SCGB2B2: variants seen among roughly 807,000 people sequenced by gnomAD.
SCGB2B2 encodes the protein secretoglobin family 2B member 2, also known as secretoglobin-like protein.
SCGB2B2 carries 11 observed loss-of-function variants against 7.6 expected under a neutral mutation model. That is an observed-to-expected ratio of 1.45 (90% CI 0.91 to 2.40). The LOEUF (loss-of-function observed/expected upper bound fraction) is 2.40, where lower values mean the gene tolerates loss of function less well. Ranked by LOEUF, SCGB2B2 falls within the 30% of genes most tolerant of loss-of-function variation. The probability of loss-of-function intolerance (pLI) is 0.00; values close to 1 mark genes in which losing one functional copy is unlikely to be tolerated. For missense variants in SCGB2B2, 104 were observed against 115.4 expected, an observed-to-expected ratio of 0.90 and a Z score of 0.45; for synonymous variants, 50 against 48.6, an observed-to-expected ratio of 1.03 and a Z score of -0.12.
intron 1 of SCGB2B2, among the ~76,000 whole-genome samples, chr19:34,667,000 C>A (rs751534): frequency 6.6e-6 from 1 of 151,814 alleles, no homozygotes; most frequent in Admixed American, 6.6e-5. Flanking sequence ...AAGAAACACA[C>A]CCTCCAAACT....
Position 34,654,779 on chromosome 19 carries a change from A to T in SCGB2B2, c.-2032+20851T>A, listed in dbSNP as rs564662899. On this transcript the variant is annotated intron_variant, in intron 1 of 3. Coordinates refer to ENST00000601241, the MANE Select transcript of SCGB2B2 (RefSeq NM_001025591.4). ...CAGCACTCCACATACCCTAGCCCCC[A>T]GCCCACCAAGAGTCTTTGAAAAACC... Among the ~76,000 whole-genome samples the T allele has an allele frequency of 2.0e-5, 3 of 150,938 alleles. No homozygotes were observed. In the South Asian group the frequency reaches 6.2e-4, roughly 31 times the overall value.
At chr19:34,586,969 G>A (rs187685782), downstream of SCGB2B2, among the ~76,000 whole-genome samples, 17 of 152,246 alleles carry the variant, frequency 1.1e-4, no homozygotes, top group East Asian at 1.9e-4. Context: ...GTGCAATGAC[G>A]TGCTCTCGGC....
chr19:34,606,847 AAG>A, intron 1 of SCGB2B2, among the ~76,000 whole-genome samples: 1 of 151,572 alleles, frequency 6.6e-6, no homozygotes, highest in Non-Finnish European at 1.5e-5. Context: ...TATTGTACAC[AAG>A]GTTCAGTACT....
intron 1 of SCGB2B2, among the ~76,000 whole-genome samples, chr19:34,642,130 G>C (rs571507610): frequency 6.6e-6 from 1 of 152,204 alleles, no homozygotes; most frequent in South Asian, 2.1e-4. Flanking sequence ...CAGGCTTCCA[G>C]CCTCTCTTTC....
Position 34,658,807 on chromosome 19 carries a change from CAACAACAAAAAAA to C in SCGB2B2, c.-2032+16810_-2032+16822del, listed in dbSNP as rs1263310136. Among the ~76,000 whole-genome samples, 7 of 61,172 alleles carry C rather than the reference CAACAACAAAAAAA, an allele frequency of 1.1e-4. No individual in the cohort carries two copies. In the East Asian group the frequency reaches 2.7e-3, roughly 23 times the overall value. The allele number at this position is 61,172 out of a possible 152,430, so 40.1% of individuals were successfully genotyped here. A position where few individuals can be genotyped will look rare whatever the true frequency, so the allele number is the denominator to read the frequency against. ...GGCAGAGACACAACAACAACAACAA[CAACAACAAAAAAA>C]AAAAAAAAAAAAAAAGAGAGAGAAT... On this transcript the variant is annotated intron_variant, in intron 1 of 3. Transcript: ENST00000601241.
intron 1 of SCGB2B2, among the ~76,000 whole-genome samples, chr19:34,648,080 G>A (rs1047554912): frequency 6.6e-6 from 1 of 152,186 alleles, no homozygotes; most frequent in African/African-American, 2.4e-5. Flanking sequence ...TGAAGCCTGG[G>A]GAGAAGCAGG....
intron 1 of SCGB2B2, chr19:34,638,368 A>AG (rs1462995131): frequency 2.6e-5 from 4 of 151,998 alleles, no homozygotes; most frequent in African/African-American, 9.7e-5. Flanking sequence ...GCTTGAATCC[A>AG]GGAGGTGAAG....
At chr19:34,666,443 T>C (rs1418384552) in intron 1 of SCGB2B2, among the ~76,000 whole-genome samples, 2 of 152,112 alleles carry the variant, frequency 1.3e-5, no homozygotes, top group Admixed American at 1.3e-4. Context: ...GACAGGCCAC[T>C]GGGCCACCTG....
At chr19:34,633,641 A>AG (rs1272624239) in intron 1 of SCGB2B2, among the ~76,000 whole-genome samples, 1 of 151,972 alleles carries the variant, frequency 6.6e-6, no homozygotes, top group African/African-American at 2.4e-5. Context: ...GGGATTTTAA[A>AG]GGGGGCTGAG....
At chr19:34,623,584 A>G (rs761572875) in intron 1 of SCGB2B2, among the ~76,000 whole-genome samples, 3 of 152,124 alleles carry the variant, frequency 2.0e-5, no homozygotes, top group Non-Finnish European at 4.4e-5. Context: ...GAGATTCCCT[A>G]GCTCTCTACC....
intron 1 of SCGB2B2, among the ~76,000 whole-genome samples, chr19:34,600,244 C>A (rs2065585591): frequency 6.6e-6 from 1 of 152,106 alleles, no homozygotes; most frequent in Non-Finnish European, 1.5e-5. Flanking sequence ...TCTCCCGTAT[C>A]TTACTTTTTT....
chr19:34,659,334 A>T (rs1344980003), intron 1 of SCGB2B2, among the ~76,000 whole-genome samples: 1 of 152,214 alleles, frequency 6.6e-6, no homozygotes, highest in Non-Finnish European at 1.5e-5. Context: ...CAATTAGGAA[A>T]AGAGGAGTCA....
Position 34,591,249 on chromosome 19 carries a change from G to C in SCGB2B2, c.*2306C>G, listed in dbSNP as rs1368741652. On this transcript the variant is annotated 3_prime_UTR_variant, in exon 4 of 4. Coordinates refer to ENST00000601241, the MANE Select transcript of SCGB2B2 (RefSeq NM_001025591.4). The stretch of plus-strand genomic sequence containing the variant: ...TTGCCCTAAACCTGCTCCTCCCCAG[G>C]CTTCACCTTCTCAGCAGTGGCATCA... Among the ~76,000 whole-genome samples, 2 of 152,122 alleles carry C rather than the reference G, an allele frequency of 1.3e-5. No homozygotes were observed. The highest frequency in any genetic ancestry group is 1.3e-4 in the Admixed American group (2 of 15,256).
At chr19:34,616,394 G>C in intron 1 of SCGB2B2, among the ~76,000 whole-genome samples, 1 of 123,698 alleles carries the variant, frequency 8.1e-6, no homozygotes, top group Non-Finnish European at 1.9e-5. Flanking sequence ...ACTGGTGTGA[G>C]ATGGTATCTC....
chr19:34,657,683 A>G (rs2067318832), intron 1 of SCGB2B2, among the ~76,000 whole-genome samples: 1 of 152,096 alleles, frequency 6.6e-6, no homozygotes, highest in African/African-American at 2.4e-5. Context: ...TCAGTATTAG[A>G]TCAATGGAGA....
chr19:34,654,811 C>G (rs1038839197), intron 1 of SCGB2B2, among the ~76,000 whole-genome samples: 1 of 151,028 alleles, frequency 6.6e-6, no homozygotes, highest in South Asian at 2.1e-4. Context: ...AACCCCTAGC[C>G]TCTGGGCCTT....
intron 1 of SCGB2B2, among the ~76,000 whole-genome samples, chr19:34,669,155 C>T (rs2067730013): frequency 6.6e-6 from 1 of 152,150 alleles, no homozygotes; most frequent in South Asian, 2.1e-4. Context: ...GCCTTAAGAA[C>T]TGTAACACTC....
At chr19:34,632,457 A>G (rs1161122789) in intron 1 of SCGB2B2, among the ~76,000 whole-genome samples, 1 of 152,220 alleles carries the variant, frequency 6.6e-6, no homozygotes, top group Non-Finnish European at 1.5e-5. Flanking sequence ...TGAACACTTA[A>G]AAGTCCAAAG....
chr19:34,622,443 T>G (rs565504312), intron 1 of SCGB2B2, among the ~76,000 whole-genome samples: 8 of 152,306 alleles, frequency 5.3e-5, no homozygotes, highest in African/African-American at 1.4e-4. Flanking sequence ...ATTCCTAGTT[T>G]GCAAAATTCA....
Sources: gnomAD v4.1 joint callset for allele counts (sites outside exome capture counted in the v4.1 genomes callset) on GRCh38, gnomAD v4.1.1 for gene constraint, MANE v1.5 for transcripts, NCBI Gene and HGNC (gene_info 2026-07-23, HGNC 2026-07-21) for gene names.